Variants in SVBP observed in about 807,000 individuals in gnomAD.
The protein encoded by SVBP is small vasohibin-binding protein.
Under a neutral mutation model 9.2 loss-of-function variants are expected in SVBP, and 9 were observed. That is an observed-to-expected ratio of 0.98 (90% CI 0.59 to 1.71). The LOEUF (loss-of-function observed/expected upper bound fraction) is 1.71, where lower values mean the gene tolerates loss of function less well. SVBP is among the 40% of genes most tolerant of loss of function. The pLI is 0.00. For missense variants in SVBP, 63 were observed against 73.2 expected, an observed-to-expected ratio of 0.86 and a Z score of 0.51; for synonymous variants, 27 against 23.9, an observed-to-expected ratio of 1.13 and a Z score of -0.37.
intron 2 of SVBP, among the ~76,000 whole-genome samples, chr1:42,811,552 G>A (rs1412866635): frequency 5.3e-5 from 8 of 152,188 alleles, no homozygotes; most frequent in Non-Finnish European, 1.5e-5. Context: ...CACACAATAA[G>A]AGCAGGCTGC....
At chr1:42,811,323 C>T (rs1241606964) in intron 2 of SVBP, among the ~76,000 whole-genome samples, 2 of 152,204 alleles carry the variant, frequency 1.3e-5, no homozygotes, top group Non-Finnish European at 2.9e-5. Flanking sequence ...CCTCACAAGG[C>T]CATATATTTT....
chr1:42,816,995 G>C (rs895756075), intron 1 of SVBP, 195 bp downstream of exon 1: 1 of 250,826 alleles, frequency 4.0e-6, no homozygotes, highest in Non-Finnish European at 6.3e-6. Flanking sequence ...GCCTAACTCC[G>C]CCGCAGCAGC....
chr1:42,807,387 G>A lies in SVBP; in HGVS notation c.*27C>T, dbSNP rs766182079. 1.5e-5 allele frequency: 24 copies of A among 1,574,370 alleles called. No homozygotes were observed. The East Asian group carries it at 3.4e-4, about 22-fold the overall frequency. On this transcript the variant is annotated 3_prime_UTR_variant, in exon 3 of 3. Transcript: ENST00000372521. Reference sequence around the variant, plus strand: ...GGCAACACCCTCTCAAAGCTCTCAGGATCCCATCTGGTTTGAACCTGGGGC... The same window carrying A: ...GGCAACACCCTCTCAAAGCTCTCAGAATCCCATCTGGTTTGAACCTGGGGC...
At chr1:42,811,485 A>G (rs767855242) in intron 2 of SVBP, among the ~76,000 whole-genome samples, 2 of 152,194 alleles carry the variant, frequency 1.3e-5, no homozygotes. Flanking sequence ...GCTTGAGTGC[A>G]GCAACGTTGC....
intron 2 of SVBP, among the ~76,000 whole-genome samples, chr1:42,807,875 AG>A (rs1653993523): frequency 6.6e-6 from 1 of 152,066 alleles, no homozygotes; most frequent in African/African-American, 2.4e-5. Flanking sequence ...TGGCCATCTC[AG>A]CTTAAAATCT....
rs1274450438 is a variant in SVBP, at chr1:42,817,185, T to C, written c.-37+5A>G. ...CCGCCGACCAAGAGGCTTGGGAGTC[T>C]GTACCTTTCCCGACCGGGCCACTGG... On this transcript the variant is annotated splice_donor_5th_base_variant and intron_variant, in intron 1 of 2. Transcript: ENST00000372521. The C allele has an allele frequency of 1.6e-6, 2 of 1,247,920 alleles. No homozygotes were observed. Among genetic ancestry groups the C allele is most frequent in the Admixed American group, 2.6e-5 (1 of 38,414 alleles). The allele number at this position is 1,247,920 out of a possible 1,614,324, so 77.3% of individuals were successfully genotyped here. A position where few individuals can be genotyped will look rare whatever the true frequency, so the allele number is the denominator to read the frequency against.
intron 2 of SVBP, among the ~76,000 whole-genome samples, chr1:42,810,325 T>C (rs962679737): frequency 1.8e-4 from 27 of 152,070 alleles, no homozygotes; most frequent in African/African-American, 6.5e-4. Context: ...TTTTTTGTAT[T>C]TTAGTAGAGA....
intron 2 of SVBP, among the ~76,000 whole-genome samples, chr1:42,810,151 CACAT>C (rs1301640168): frequency 2.5e-4 from 36 of 146,836 alleles, no homozygotes; most frequent in South Asian, 2.1e-4. Context: ...CACACACACA[CACAT>C]ATATTTTTTT....
chr1:42,816,679 C>G, intron 1 of SVBP, 99 bp from the exon 2 acceptor site: 1 of 634,224 alleles, frequency 1.6e-6, no homozygotes, highest in Non-Finnish European at 2.7e-6. Flanking sequence ...CCATCCTTTG[C>G]CAGGTGAGGC....
At chr1:42,813,653 CCATTTCCCAGAG>C in intron 2 of SVBP, 1 of 529,564 alleles carries the variant, frequency 1.9e-6, no homozygotes, top group Non-Finnish European at 3.9e-6. Flanking sequence ...AACTGGTTCT[CCATTTCCCAGAG>C]CATTTGTTGT....
At position 42,807,151 on chromosome 1, in the gene SVBP, G is replaced by GT. The variant is rs1310166652; in HGVS notation, c.*262dup. ...ACAATAGAAAAAGTGTTTTTTGTGT[G>GT]TGTTTTTTTTTTTTTTTTAAAAAAA... On this transcript the variant is annotated 3_prime_UTR_variant, in exon 3 of 3. Transcript: ENST00000372521. 2.3e-5 allele frequency: 6 copies of GT among 255,734 alleles called. No individual in the cohort carries two copies. The highest frequency in any genetic ancestry group is 2.2e-4 in the South Asian group (1 of 4,584). 15.8% of individuals were successfully genotyped at this position (255,734 alleles called of 1,614,324 possible). A position where few individuals can be genotyped will look rare whatever the true frequency, so the allele number is the denominator to read the frequency against.
At chr1:42,808,149 G>GTGTATATA (rs1327413384) in intron 2 of SVBP, among the ~76,000 whole-genome samples, 6 of 58,320 alleles carry the variant, frequency 1.0e-4, no homozygotes, top group African/African-American at 2.7e-4. Context: ...GTGTGTGTGT[G>GTGTATATA]TATATATATA....
At chr1:42,809,836 G>A (rs1332808132) in intron 2 of SVBP, among the ~76,000 whole-genome samples, 1 of 152,066 alleles carries the variant, frequency 6.6e-6, no homozygotes, top group African/African-American at 2.4e-5. Flanking sequence ...GCCAGTCACG[G>A]TAACATATAT....
In SVBP at chr1:42,808,153, A is replaced by G. The variant is rs368861539; in HGVS notation, c.115-653T>C. ...GAATATAGTGTGTGTGTGTGTGTAT[A>G]TATATATATATATATATATATATAT... On this transcript the variant is annotated intron_variant, in intron 2 of 2. Transcript: ENST00000372521. 5.0e-3 allele frequency among the ~76,000 whole-genome samples: 326 copies of G among 65,746 alleles called. 2 individuals are homozygous for G. Among genetic ancestry groups the G allele is most frequent in the Non-Finnish European group, 8.1e-3 (248 of 30,680 alleles). The allele number at this position is 65,746 out of a possible 152,430, so 43.1% of individuals were successfully genotyped here.
At position 42,808,139 on chromosome 1, in the gene SVBP, GTGTGTGTGTGTATATATATA is replaced by G. The variant is rs1451487849; in HGVS notation, c.115-659_115-640del. Among the ~76,000 whole-genome samples the G allele has an allele frequency of 1.9e-4, 7 of 36,222 alleles. 2 individuals carry two copies. Among genetic ancestry groups the G allele is most frequent in the African/African-American group, 1.0e-3 (7 of 6,926 alleles). The allele number at this position is 36,222 out of a possible 152,430, so 23.8% of individuals were successfully genotyped here. ...CAGGGGAGCAATGTGAATATAGTGTGTGTGTGTGTGTATATATATATATATATATATATATATATACATAC... is the reference window on the plus strand; with the variant it reads ...CAGGGGAGCAATGTGAATATAGTGTGTATATATATATATATATATACATAC... On this transcript the variant is annotated intron_variant, in intron 2 of 2. Transcript: ENST00000372521.
rs35552772 is a variant in SVBP at position 42,810,095 on chromosome 1, A to AAC, written c.115-2597_115-2596dup. Among the ~76,000 whole-genome samples the AAC allele has an allele frequency of 3.7e-3, 537 of 143,900 alleles. 3 individuals are homozygous for AAC. Among genetic ancestry groups the AAC allele is most frequent in the African/African-American group, 9.4e-3 (355 of 37,906 alleles). The allele number at this position is 143,900 out of a possible 152,430, so 94.4% of individuals were successfully genotyped here. On this transcript the variant is annotated intron_variant, in intron 2 of 2. Transcript: ENST00000372521. ...ACACACATTATATAAATATACTTTT[A>AAC]ACACACACACACACACACACATACA...
intron 2 of SVBP, among the ~76,000 whole-genome samples, chr1:42,814,107 G>A (rs61775646): frequency 9.4e-6 from 1 of 106,646 alleles, no homozygotes; most frequent in Non-Finnish European, 1.9e-5. Flanking sequence ...TTTTGTTTTT[G>A]AGACAGAGTC....
intron 2 of SVBP, among the ~76,000 whole-genome samples, chr1:42,810,095 A>AACACACAC (rs35552772): frequency 1.7e-4 from 24 of 143,812 alleles, no homozygotes; most frequent in Non-Finnish European, 2.6e-4. Flanking sequence ...ATATACTTTT[A>AACACACAC]ACACACACAC....
At chr1:42,813,431 C>A in intron 2 of SVBP, 1 of 566,300 alleles carries the variant, frequency 1.8e-6, no homozygotes, top group South Asian at 1.4e-5. Flanking sequence ...GTTCCTTCAT[C>A]ATCAAAGGCC....
Sources: allele counts gnomAD v4.1 joint callset (sites outside exome capture counted in the v4.1 genomes callset), GRCh38; gene constraint gnomAD v4.1.1; transcripts MANE v1.5; gene names NCBI Gene and HGNC (gene_info 2026-07-23, HGNC 2026-07-21).